The following RANBP2 variants were observed in gnomAD, a reference collection of about 807,000 sequenced individuals.
RANBP2 encodes E3 SUMO-protein ligase RanBP2.
RANBP2 carries 57 observed loss-of-function variants against 303.6 expected under a neutral mutation model. The ratio of observed to expected loss-of-function variants is 0.19; its 90% CI spans 0.15 to 0.23. RANBP2 has a LOEUF of 0.23. Ranked by LOEUF, RANBP2 falls within the 10% of genes least tolerant of loss-of-function variation. The pLI is 1.00. For missense variants in RANBP2, 3,138 were observed against 3,780.8 expected (o/e 0.83, Z 4.46); for synonymous variants, 1,167 against 1,301.5 (o/e 0.90, Z 2.23).
intron 7 of RANBP2, among the ~76,000 whole-genome samples, chr2:108,742,378 A>G (rs1260703953): frequency 1.3e-5 from 2 of 152,058 alleles, no homozygotes; most frequent in Admixed American, 1.3e-4. Context: ...ATCTCAGCTC[A>G]CTGCAACCTG....
chr2:109,005,682 ACCAGCGTTTTGTTCCACCTCGAGGAGC>A, the RANBP2 span, among the ~76,000 whole-genome samples: 2 of 152,114 alleles, frequency 1.3e-5, no homozygotes, highest in Non-Finnish European at 2.9e-5. Flanking sequence ...AGCTCTTACA[ACCAGCGTTTTGTTCCACCTCGAGGAGC>A]CCAGCTTCCA....
chr2:109,163,988 A>G, the RANBP2 span, among the ~76,000 whole-genome samples: 1 of 151,942 alleles, frequency 6.6e-6, no homozygotes, highest in African/African-American at 2.4e-5. Flanking sequence ...TTCCCCCTAC[A>G]TCCTCTCCAG....
the RANBP2 span, among the ~76,000 whole-genome samples, chr2:109,049,438 G>A: frequency 1.1e-4 from 16 of 152,188 alleles, no homozygotes; most frequent in Middle Eastern, 3.4e-3. Flanking sequence ...AGGCATTTAC[G>A]GCGAGCACTT....
chr2:109,399,891 G>C, the RANBP2 span, among the ~76,000 whole-genome samples: 5 of 152,328 alleles, frequency 3.3e-5, no homozygotes, highest in South Asian at 6.2e-4. Flanking sequence ...GTGAGCCCAA[G>C]GTGCCCACAC....
chr2:109,153,012 G>A, the RANBP2 span, among the ~76,000 whole-genome samples: 18 of 152,326 alleles, frequency 1.2e-4, no homozygotes, highest in African/African-American at 4.3e-4. Flanking sequence ...TGTCTTAGAA[G>A]CACGTTTTGA....
At chr2:108,776,017 T>G (rs1055592351) in intron 24 of RANBP2, 81 bp downstream of exon 24, 14 of 1,263,998 alleles carry the variant, frequency 1.1e-5, no homozygotes, top group Middle Eastern at 2.6e-4. Flanking sequence ...AGGCTGATCC[T>G]GAAAACTCCC....
At chr2:109,518,950 G>T in the RANBP2 span, among the ~76,000 whole-genome samples, 1 of 131,080 alleles carries the variant, frequency 7.6e-6, no homozygotes, top group Non-Finnish European at 1.5e-5. Context: ...AGGGAGTCTC[G>T]CTCTGTCACC....
At chr2:108,898,660 T>C in the RANBP2 span, among the ~76,000 whole-genome samples, 1 of 152,066 alleles carries the variant, frequency 6.6e-6, no homozygotes, top group African/African-American at 2.4e-5. Context: ...TTTTAAAGAA[T>C]TCATAATAAA....
At chr2:109,631,349 G>T in the RANBP2 span, among the ~76,000 whole-genome samples, 2 of 152,174 alleles carry the variant, frequency 1.3e-5, no homozygotes, top group African/African-American at 2.4e-5. Flanking sequence ...ATACTTTCTT[G>T]TCATATGAAA....
the RANBP2 span, among the ~76,000 whole-genome samples, chr2:109,591,592 T>G: frequency 3.9e-5 from 6 of 152,098 alleles, no homozygotes; most frequent in Non-Finnish European, 8.8e-5. Flanking sequence ...CTAAAGGAAA[T>G]TATTTAATCT....
the RANBP2 span, among the ~76,000 whole-genome samples, chr2:108,881,706 G>A: frequency 1.3e-5 from 2 of 152,186 alleles, no homozygotes; most frequent in Admixed American, 1.3e-4. Context: ...TTATGTCTCA[G>A]GAAATGAAGA....
At chr2:109,229,301 A>G in the RANBP2 span, among the ~76,000 whole-genome samples, 10 of 152,284 alleles carry the variant, frequency 6.6e-5, no homozygotes, top group Admixed American at 5.2e-4. Flanking sequence ...CCCACACCCC[A>G]CTTCCTCTGT....
chr2:109,580,991 C>G, the RANBP2 span, among the ~76,000 whole-genome samples: 1 of 152,176 alleles, frequency 6.6e-6, no homozygotes, highest in Non-Finnish European at 1.5e-5. Flanking sequence ...CACTGCACAT[C>G]TGGAGAGGGC....
the RANBP2 span, among the ~76,000 whole-genome samples, chr2:109,666,205 C>T: frequency 1.3e-5 from 2 of 151,734 alleles, no homozygotes; most frequent in South Asian, 2.1e-4. Context: ...ACAGGCATTG[C>T]TTTTTCTATA....
the RANBP2 span, among the ~76,000 whole-genome samples, chr2:109,559,909 G>GT: frequency 1.0e-3 from 116 of 115,154 alleles, 5 homozygotes; most frequent in East Asian, 9.4e-3. Context: ...TCCAACCAAT[G>GT]CCTTTTTTTT....
chr2:109,761,327 C>G, the RANBP2 span, among the ~76,000 whole-genome samples: 2 of 151,302 alleles, frequency 1.3e-5, no homozygotes, highest in African/African-American at 2.4e-5. Context: ...ACGAGTGTTT[C>G]TCCGTGCCGG....
chr2:109,330,973 G>A, the RANBP2 span, among the ~76,000 whole-genome samples: 2 of 152,216 alleles, frequency 1.3e-5, no homozygotes, highest in African/African-American at 2.4e-5. Flanking sequence ...TAAAGGTTGT[G>A]CCATGCATTA....
At chr2:109,058,621 A>G in the RANBP2 span, among the ~76,000 whole-genome samples, 2 of 152,208 alleles carry the variant, frequency 1.3e-5, no homozygotes, top group Admixed American at 6.5e-5. Flanking sequence ...AACAATGACA[A>G]TTCTGCTGCC....
chr2:108,857,679 T>G, the RANBP2 span, among the ~76,000 whole-genome samples: 1 of 152,224 alleles, frequency 6.6e-6, no homozygotes, highest in African/African-American at 2.4e-5. Flanking sequence ...CTACCTAGAT[T>G]AGTAATCTTG....
Sources: allele counts gnomAD v4.1 joint callset (sites outside exome capture counted in the v4.1 genomes callset), GRCh38; gene constraint gnomAD v4.1.1; transcripts MANE v1.5; gene names NCBI Gene and HGNC (gene_info 2026-07-23, HGNC 2026-07-21).